Variants in ADAMTSL1 observed in about 807,000 individuals in gnomAD.
The protein encoded by ADAMTSL1 is ADAMTS-like protein 1.
In ADAMTSL1, 126 loss-of-function variants were observed where a neutral mutation model predicts 201.8. The observed-to-expected ratio is 0.62, with a 90% CI of 0.54 to 0.72. The LOEUF (loss-of-function observed/expected upper bound fraction) is 0.72, where lower values mean the gene tolerates loss of function less well. Among genes scored for constraint, ADAMTSL1 ranks in the 30% least tolerant of loss-of-function variants. ADAMTSL1 has a pLI of 0.00. For synonymous variants in ADAMTSL1, 1,121 were observed against 903.4 expected (o/e 1.24, Z -4.32); for missense variants, 2,679 against 2,277.8 (o/e 1.18, Z -3.59).
In ADAMTSL1 at chr9:18,637,240, G is replaced by C. The variant is rs571376980; in HGVS notation, c.676+1223G>C. ...AAAATACAGTGTTCACATGTCAAAA[G>C]ATAATGTATGTGTGTGTATTATTAC... On this transcript the variant is annotated intron_variant, in intron 6 of 28. Coordinates refer to ENST00000380548, the MANE Select transcript of ADAMTSL1 (RefSeq NM_001040272.6). 2.0e-5 allele frequency among the ~76,000 whole-genome samples: 3 copies of C among 152,224 alleles called. No individual in the cohort carries two copies. In the South Asian group the frequency reaches 6.2e-4, roughly 32 times the overall value.
intron 2 of ADAMTSL1, among the ~76,000 whole-genome samples, chr9:18,336,391 GA>G (rs57263237): frequency 6.6e-6 from 1 of 150,780 alleles, no homozygotes. Flanking sequence ...AGCTGAAGTG[GA>G]AAAAAAAGTG....
At chr9:18,725,659 T>G (rs187098369) in intron 15 of ADAMTSL1, among the ~76,000 whole-genome samples, 1 of 152,302 alleles carries the variant, frequency 6.6e-6, no homozygotes, top group African/African-American at 2.4e-5. Flanking sequence ...AATATTCTCA[T>G]TCTTTAAAAC....
At chr9:18,191,231 G>A (rs763205121) in intron 2 of ADAMTSL1, among the ~76,000 whole-genome samples, 5 of 152,130 alleles carry the variant, frequency 3.3e-5, no homozygotes, top group Non-Finnish European at 7.4e-5. Flanking sequence ...GAAGAAACTG[G>A]CTGCTTGACC....
At chr9:17,931,902 A>C (rs1826808460) in intron 1 of ADAMTSL1, among the ~76,000 whole-genome samples, 1 of 152,190 alleles carries the variant, frequency 6.6e-6, no homozygotes, top group South Asian at 2.1e-4. Flanking sequence ...GATTGGCAAC[A>C]AGATGGTGAA....
Position 18,268,470 on chromosome 9 carries a change from T to C in ADAMTSL1, c.207+104489T>C, listed in dbSNP as rs535115779. On this transcript the variant is annotated intron_variant, in intron 2 of 29. Coordinates refer to the ADAMTSL1 transcript ENST00000680146. The stretch of plus-strand genomic sequence containing the variant: ...ATGTCATTTGGTAAGATATCAGTCA[T>C]TTAAAGATATTTAGGAGAAGAAGGA... Among the ~76,000 whole-genome samples the C allele has an allele frequency of 2.9e-3, 449 of 152,314 alleles. 1 individual carries two copies. The highest frequency in any genetic ancestry group is 9.7e-3 in the African/African-American group (404 of 41,576).
At chr9:17,950,504 T>C (rs1006606906) in intron 1 of ADAMTSL1, among the ~76,000 whole-genome samples, 3 of 151,436 alleles carry the variant, frequency 2.0e-5, no homozygotes, top group African/African-American at 4.8e-5. Flanking sequence ...TGTGTATGAT[T>C]GTATATATTT....
At position 18,777,336 on chromosome 9, in the gene ADAMTSL1, G is replaced by A; in HGVS notation, c.3107G>A (p.Gly1036Glu). 1 of 1,601,668 alleles carries A rather than the reference G, an allele frequency of 6.2e-7. No homozygotes were observed. The highest frequency in any genetic ancestry group is 8.5e-7 in the Non-Finnish European group (1 of 1,174,470). The change falls in exon 19 of 29, where the codon GGA (glycine) becomes GAA (glutamate). Residue 1036 changes from glycine (G) to glutamate (E), a missense_variant. Transcript: ENST00000380548. ...SRLLEQGGWPGELLASWEAQD... is the reference protein window; with the variant it reads ...SRLLEQGGWPEELLASWEAQD... The stretch of plus-strand genomic sequence containing the variant: ...CTGCTGGAGCAGGGCGGCTGGCCCG[G>A]AGAGCTGCTGGCCTCGTGGGAGGCG...
intron 2 of ADAMTSL1, among the ~76,000 whole-genome samples, chr9:18,208,797 G>C (rs560958370): frequency 6.6e-6 from 1 of 152,074 alleles, no homozygotes; most frequent in Non-Finnish European, 1.5e-5. Context: ...TTATGTTAGA[G>C]GATAAAACAG....
chr9:18,230,759 C>A (rs1243034272), intron 2 of ADAMTSL1, among the ~76,000 whole-genome samples: 4 of 152,080 alleles, frequency 2.6e-5, no homozygotes, highest in Non-Finnish European at 4.4e-5. Flanking sequence ...TAATTAATTA[C>A]AAATTCAAAT....
At chr9:18,078,666 C>T (rs951254983) in intron 1 of ADAMTSL1, among the ~76,000 whole-genome samples, 19 of 152,250 alleles carry the variant, frequency 1.2e-4, no homozygotes, top group African/African-American at 4.1e-4. Context: ...CTCTTCTAAG[C>T]CCCTCCAATC....
intron 9 of ADAMTSL1, among the ~76,000 whole-genome samples, chr9:18,666,293 A>G (rs778664419): frequency 3.3e-4 from 50 of 152,200 alleles, no homozygotes; most frequent in Non-Finnish European, 6.6e-4. Flanking sequence ...CCAAAATTTA[A>G]TCCTTATAAG....
intron 13 of ADAMTSL1, among the ~76,000 whole-genome samples, chr9:18,705,670 G>T (rs1832189003): frequency 6.6e-6 from 1 of 152,186 alleles, no homozygotes; most frequent in South Asian, 2.1e-4. Context: ...CTAATTCAAA[G>T]AATGTGTAAC....
At chr9:18,347,066 C>T (rs771968009) in intron 2 of ADAMTSL1, among the ~76,000 whole-genome samples, 10 of 152,126 alleles carry the variant, frequency 6.6e-5, no homozygotes, top group Non-Finnish European at 1.3e-4. Context: ...TGACTCAATT[C>T]CTCCAAGCTT....
At chr9:18,512,246 T>G (rs1318304020) in intron 2 of ADAMTSL1, among the ~76,000 whole-genome samples, 1 of 152,178 alleles carries the variant, frequency 6.6e-6, no homozygotes, top group Non-Finnish European at 1.5e-5. Context: ...GGTGTATTGT[T>G]CCAAGATCTG....
intron 1 of ADAMTSL1, among the ~76,000 whole-genome samples, chr9:17,912,844 T>A (rs192453985): frequency 6.7e-6 from 1 of 149,892 alleles, no homozygotes; most frequent in Admixed American, 6.7e-5. Flanking sequence ...TCTTTAATCA[T>A]CTTGAATTGA....
intron 28 of ADAMTSL1, chr9:18,908,203 AGG>A (rs1830420455): frequency 5.5e-6 from 3 of 542,360 alleles, no homozygotes; most frequent in Non-Finnish European, 1.0e-5. Context: ...CAGCCCAGGG[AGG>A]GGCCCCATCA....
chr9:18,604,590 A>G (rs1824885544), intron 4 of ADAMTSL1, among the ~76,000 whole-genome samples: 1 of 152,196 alleles, frequency 6.6e-6, no homozygotes, highest in South Asian at 2.1e-4. Context: ...GCAAGTCATA[A>G]TTACATTCCT....
intron 20 of ADAMTSL1, among the ~76,000 whole-genome samples, chr9:18,800,933 A>G (rs1397087128): frequency 1.3e-5 from 2 of 152,152 alleles, no homozygotes; most frequent in African/African-American, 4.8e-5. Flanking sequence ...AAATAATTAG[A>G]AGAGGTAATG....
At chr9:18,140,966 G>C (rs1341142138) in intron 1 of ADAMTSL1, among the ~76,000 whole-genome samples, 1 of 152,184 alleles carries the variant, frequency 6.6e-6, no homozygotes, top group Non-Finnish European at 1.5e-5. Context: ...TGGCCACCAA[G>C]TATTTGGTGA....
Sources: allele counts gnomAD v4.1 joint callset (sites outside exome capture counted in the v4.1 genomes callset), GRCh38; gene constraint gnomAD v4.1.1; transcripts MANE v1.5; gene names NCBI Gene and HGNC (gene_info 2026-07-23, HGNC 2026-07-21).